Variants in EPHA6 observed in about 807,000 individuals in gnomAD.
EPHA6 encodes the protein EPH receptor A6.
A neutral mutation model predicts 112.0 loss-of-function variants in EPHA6; 50 were observed. The observed-to-expected ratio is 0.45, with a 90% CI of 0.36 to 0.56. EPHA6 has a LOEUF of 0.56. EPHA6 is among the 20% of genes least tolerant of loss of function. The pLI, the probability that EPHA6 is intolerant of heterozygous loss-of-function variation, is 0.00. For synonymous variants in EPHA6, 529 were observed against 490.7 expected (o/e 1.08, Z -1.03); for missense variants, 1,280 against 1,417.4 (o/e 0.90, Z 1.56).
In EPHA6 at chr3:97,463,407, A is replaced by G. The variant is rs2090955344; in HGVS notation, c.1895-11945A>G. Among the ~76,000 whole-genome samples, 3 of 152,178 alleles carry G rather than the reference A, an allele frequency of 2.0e-5. No homozygotes were observed. The South Asian group carries it at 6.2e-4, about 31-fold the overall frequency. On this transcript the variant is annotated intron_variant, in intron 7 of 17. Transcript: ENST00000389672. ...ATTTGAGGCAGTTTAAAATGTATGC[A>G]CAAAATGTTTAATAGGTTAGAACTA...
chr3:97,127,492 G>A (rs2048214653), intron 3 of EPHA6, among the ~76,000 whole-genome samples: 2 of 152,054 alleles, frequency 1.3e-5, no homozygotes. Context: ...GGCCAAGGCG[G>A]GCAGATCATC....
chr3:97,251,021 ATGCCTAGCTAATTT>A (rs886430726), intron 5 of EPHA6, among the ~76,000 whole-genome samples: 1 of 151,812 alleles, frequency 6.6e-6, no homozygotes, highest in African/African-American at 2.4e-5. Context: ...GCCCACCACC[ATGCCTAGCTAATTT>A]TTTTGTGTTT....
At chr3:96,872,127 C>A (rs933641809) in intron 2 of EPHA6, among the ~76,000 whole-genome samples, 3 of 152,062 alleles carry the variant, frequency 2.0e-5, no homozygotes, top group African/African-American at 7.2e-5. Flanking sequence ...CAGCCTCCTG[C>A]ACAAAATCTT....
chr3:97,315,470 G>T (rs1407247759), intron 5 of EPHA6, among the ~76,000 whole-genome samples: 1 of 151,668 alleles, frequency 6.6e-6, no homozygotes, highest in Non-Finnish European at 1.5e-5. Context: ...AGTGTGAATA[G>T]TGAGTGTGGC....
chr3:97,438,216 A>G (rs186067286), intron 6 of EPHA6, among the ~76,000 whole-genome samples: 277 of 152,314 alleles, frequency 1.8e-3, no homozygotes, highest in Non-Finnish European at 3.4e-3. Context: ...GGTAGGCTAC[A>G]TGAAGACAGA....
intron 10 of EPHA6, among the ~76,000 whole-genome samples, chr3:97,494,382 T>A (rs773778387): frequency 2.4e-4 from 36 of 152,196 alleles, no homozygotes; most frequent in Admixed American, 3.3e-4. Context: ...CCTGATCTTG[T>A]CCCTAAAATT....
At chr3:97,432,221 T>C (rs1408928202) in intron 6 of EPHA6, among the ~76,000 whole-genome samples, 2 of 152,158 alleles carry the variant, frequency 1.3e-5, no homozygotes, top group Non-Finnish European at 2.9e-5. Flanking sequence ...ATTAATTTAC[T>C]AAACAACAAA....
At chr3:97,146,983 T>C (rs1319978127) in intron 3 of EPHA6, among the ~76,000 whole-genome samples, 1 of 152,070 alleles carries the variant, frequency 6.6e-6, no homozygotes, top group African/African-American at 2.4e-5. Context: ...TTGAAATCAG[T>C]AGGGAAAATA....
At position 97,504,860 on chromosome 3, in the gene EPHA6, G is replaced by A. The variant is rs143784771; in HGVS notation, c.2200+20801G>A. Among the ~76,000 whole-genome samples the A allele has an allele frequency of 6.6e-3, 996 of 152,024 alleles. 12 individuals are homozygous for A. The highest frequency in any genetic ancestry group is 0.022 in the African/African-American group (916 of 41,452). Reference sequence around the variant, plus strand: ...TTATATTCACTTTCTAATATAACATGTACATTTTCCATGTTATTACATGTA... The same window carrying A: ...TTATATTCACTTTCTAATATAACATATACATTTTCCATGTTATTACATGTA... On this transcript the variant is annotated intron_variant, in intron 10 of 17. Transcript: ENST00000389672.
intron 2 of EPHA6, among the ~76,000 whole-genome samples, chr3:96,947,770 C>G (rs1008491880): frequency 2.0e-5 from 3 of 152,196 alleles, no homozygotes; most frequent in Admixed American, 6.5e-5. Flanking sequence ...AATGGAAGAA[C>G]ATTCCATGCT....
intron 12 of EPHA6, among the ~76,000 whole-genome samples, chr3:97,593,530 T>C (rs1164274562): frequency 6.6e-6 from 1 of 152,204 alleles, no homozygotes; most frequent in East Asian, 1.9e-4. Context: ...TGATTTTTAT[T>C]ATAACTAATA....
intron 2 of EPHA6, among the ~76,000 whole-genome samples, chr3:96,917,329 G>C (rs2039532311): frequency 6.8e-6 from 1 of 146,618 alleles, no homozygotes; most frequent in African/African-American, 2.6e-5. Flanking sequence ...GCTGGGACAG[G>C]AATTGCTTGA....
chr3:97,404,919 T>C (rs897239704), intron 5 of EPHA6, among the ~76,000 whole-genome samples: 7 of 152,166 alleles, frequency 4.6e-5, no homozygotes, highest in Admixed American at 3.9e-4. Context: ...TGGCCCTTAC[T>C]CTTGGAATAT....
At chr3:97,391,351 T>G (rs1355031843) in intron 5 of EPHA6, among the ~76,000 whole-genome samples, 1 of 151,984 alleles carries the variant, frequency 6.6e-6, no homozygotes, top group Non-Finnish European at 1.5e-5. Flanking sequence ...GGCACCATAC[T>G]AGGTCCCGTG....
Position 97,747,471 on chromosome 3 carries a change from A to T in EPHA6, c.3177A>T (p.Thr1059=). The change falls in exon 17 of 18, where the codon ACA becomes ACT. Residue 1059 remains threonine (T), a synonymous_variant. Coordinates refer to ENST00000389672, the MANE Select transcript of EPHA6 (RefSeq NM_001080448.3). ...TTCCGGAATATCCTTTGTTTGTCAC[A>T]GTTGGTGACTGGCTAGATTCTATAA... ...GEVPEYPLFV[T]VGDWLDSIKM... 6.2e-7 allele frequency: 1 copy of T among 1,604,234 alleles called. No homozygotes were observed. The highest frequency in any genetic ancestry group is 8.5e-7 in the Non-Finnish European group (1 of 1,174,984).
intron 10 of EPHA6, among the ~76,000 whole-genome samples, chr3:97,494,429 C>G (rs369093324): frequency 6.6e-6 from 1 of 152,138 alleles, no homozygotes; most frequent in East Asian, 1.9e-4. Context: ...AACATCTCAT[C>G]CACTGGGGGA....
At chr3:97,182,959 C>T (rs1360505366) in intron 3 of EPHA6, among the ~76,000 whole-genome samples, 3 of 151,944 alleles carry the variant, frequency 2.0e-5, no homozygotes, top group African/African-American at 7.2e-5. Flanking sequence ...CCAATTTCTT[C>T]TTTGTTTTTT....
At chr3:96,815,110 G>C (rs2032657830) in intron 1 of EPHA6, 102 bp downstream of exon 1, 1 of 1,171,672 alleles carries the variant, frequency 8.5e-7, no homozygotes, top group African/African-American at 1.6e-5. Flanking sequence ...ACAGGGGTCA[G>C]AGTCTCCTGG....
At chr3:96,979,139 A>G (rs542488884) in intron 2 of EPHA6, among the ~76,000 whole-genome samples, 8 of 151,996 alleles carry the variant, frequency 5.3e-5, no homozygotes, top group Admixed American at 3.3e-4. Flanking sequence ...TATATGTGCC[A>G]TGTTTGTGTG....
Sources: allele counts gnomAD v4.1 joint callset (sites outside exome capture counted in the v4.1 genomes callset), GRCh38; gene constraint gnomAD v4.1.1; transcripts MANE v1.5; gene names NCBI Gene and HGNC (gene_info 2026-07-23, HGNC 2026-07-21).